The following LNP1 variants were observed in gnomAD, a reference collection of about 807,000 sequenced individuals.
LNP1 encodes leukemia NUP98 fusion partner 1.
Under a neutral mutation model 14.5 loss-of-function variants are expected in LNP1, and 12 were observed. The ratio of observed to expected loss-of-function variants is 0.83; its 90% CI spans 0.53 to 1.34. The LOEUF (loss-of-function observed/expected upper bound fraction) is 1.34, where lower values mean the gene tolerates loss of function less well. Among genes scored for constraint, LNP1 ranks in the 40% most tolerant of loss-of-function variants. The pLI is 0.00. For synonymous variants in LNP1, 75 were observed against 71.4 expected (o/e 1.05, Z -0.26); for missense variants, 198 against 210.9 (o/e 0.94, Z 0.38).
rs1158079135 is a variant in LNP1, at chr3:100,409,577, C to T, written c.-34+7138C>T. 6.9e-5 allele frequency among the ~76,000 whole-genome samples: 8 copies of T among 115,704 alleles called. No individual in the cohort carries two copies. In the South Asian group the frequency reaches 1.8e-3, roughly 26 times the overall value. 75.9% of individuals were successfully genotyped at this position (115,704 alleles called of 152,430 possible). ...ATACATACACACACACACACACACA[C>T]ACACACACACACACATATATATATA... On this transcript the variant is annotated intron_variant, in intron 1 of 3. Transcript: ENST00000383693.
chr3:100,435,540 A>G (rs948601307), intron 2 of LNP1, among the ~76,000 whole-genome samples: 2 of 152,238 alleles, frequency 1.3e-5, no homozygotes, highest in Non-Finnish European at 2.9e-5. Context: ...CATGCAGTGT[A>G]TACATTTAGA....
At chr3:100,434,781 G>A (rs868810737) in intron 2 of LNP1, among the ~76,000 whole-genome samples, 2 of 150,608 alleles carry the variant, frequency 1.3e-5, no homozygotes, top group Non-Finnish European at 2.9e-5. Flanking sequence ...TGCCCACCTC[G>A]GCCTCCCAAA....
intron 1 of LNP1, among the ~76,000 whole-genome samples, chr3:100,409,559 C>CAT (rs1201490956): frequency 2.9e-4 from 12 of 41,696 alleles, no homozygotes; most frequent in Non-Finnish European, 6.7e-4. Context: ...TATATACATA[C>CAT]ACACACACAC....
At chr3:100,418,629 G>A (rs779260966) in intron 1 of LNP1, among the ~76,000 whole-genome samples, 4 of 152,164 alleles carry the variant, frequency 2.6e-5, no homozygotes, top group Non-Finnish European at 5.9e-5. Flanking sequence ...TTTGTATAGT[G>A]TTTACAAATA....
chr3:100,408,187 G>A (rs1293314261), intron 1 of LNP1, among the ~76,000 whole-genome samples: 1 of 152,170 alleles, frequency 6.6e-6, no homozygotes, highest in East Asian at 1.9e-4. Context: ...CATTCAAGAA[G>A]CAGTTACTTA....
intron 1 of LNP1, among the ~76,000 whole-genome samples, chr3:100,417,371 C>CTTTTTTTTTTTTTTTTTT (rs562000656): frequency 1.2e-4 from 8 of 64,628 alleles, no homozygotes; most frequent in African/African-American, 2.9e-4. Context: ...TTTCTTTTTT[C>CTTTTTTTTTTTTTTTTTT]TTTTTTTTTT....
intron 1 of LNP1, among the ~76,000 whole-genome samples, chr3:100,420,079 G>T (rs1325575956): frequency 2.0e-5 from 3 of 152,278 alleles, no homozygotes; most frequent in South Asian, 4.1e-4. Flanking sequence ...TGATAGGTAT[G>T]TAGTAATATT....
At chr3:100,413,417 T>G (rs1473060052) in intron 1 of LNP1, among the ~76,000 whole-genome samples, 2 of 152,246 alleles carry the variant, frequency 1.3e-5, no homozygotes, top group African/African-American at 4.8e-5. Flanking sequence ...AAGGAGCATC[T>G]GCATTTATCT....
chr3:100,443,063 T>A (rs953047498), intron 2 of LNP1, among the ~76,000 whole-genome samples: 1 of 152,216 alleles, frequency 6.6e-6, no homozygotes, highest in African/African-American at 2.4e-5. Context: ...GGCTTATGTA[T>A]GTAAATAGGT....
intron 1 of LNP1, among the ~76,000 whole-genome samples, chr3:100,429,152 AACT>A (rs1286411550): frequency 3.3e-5 from 5 of 152,212 alleles, no homozygotes; most frequent in African/African-American, 9.7e-5. Flanking sequence ...CAATTTAAAA[AACT>A]ACTCCTTTTG....
At chr3:100,424,466 T>C (rs781154937) in intron 1 of LNP1, among the ~76,000 whole-genome samples, 9 of 152,286 alleles carry the variant, frequency 5.9e-5, no homozygotes, top group Non-Finnish European at 8.8e-5. Context: ...ACCTAATTCC[T>C]CCAGCAATGC....
intron 2 of LNP1, among the ~76,000 whole-genome samples, chr3:100,450,134 C>A (rs1707424949): frequency 6.8e-6 from 1 of 147,592 alleles, no homozygotes. Context: ...CTTCAGAGGC[C>A]TTGTTCCCCA....
intron 2 of LNP1, among the ~76,000 whole-genome samples, chr3:100,450,773 C>T (rs1707429971): frequency 6.6e-6 from 1 of 152,168 alleles, no homozygotes; most frequent in African/African-American, 2.4e-5. Context: ...AACAACACCT[C>T]ATCTTCCCTG....
At chr3:100,422,994 G>GTA (rs1707159270) in intron 1 of LNP1, among the ~76,000 whole-genome samples, 1 of 151,932 alleles carries the variant, frequency 6.6e-6, no homozygotes, top group African/African-American at 2.4e-5. Context: ...AGACTTCACA[G>GTA]TATAACTTGA....
intron 1 of LNP1, among the ~76,000 whole-genome samples, chr3:100,409,602 A>G (rs200414782): frequency 0.011 from 1,277 of 114,098 alleles, 19 homozygotes; most frequent in African/African-American, 0.038. Flanking sequence ...ATATATATAT[A>G]TATATTTTTT....
intron 2 of LNP1, among the ~76,000 whole-genome samples, chr3:100,447,326 A>C (rs1326797568): frequency 6.6e-6 from 1 of 152,190 alleles, no homozygotes; most frequent in African/African-American, 2.4e-5. Context: ...GGAAATCATC[A>C]TTCTCAGCAA....
intron 2 of LNP1, among the ~76,000 whole-genome samples, chr3:100,435,670 G>T (rs548646393): frequency 2.0e-5 from 3 of 152,218 alleles, no homozygotes; most frequent in Admixed American, 2.0e-4. Flanking sequence ...GGAGGGGTAG[G>T]GGGTAGGAGC....
intron 1 of LNP1, among the ~76,000 whole-genome samples, chr3:100,420,759 CT>C (rs1313499834): frequency 6.6e-6 from 1 of 152,180 alleles, no homozygotes; most frequent in African/African-American, 2.4e-5. Flanking sequence ...TTTTCATCCT[CT>C]TAACAGGGTC....
At chr3:100,443,764 T>C (rs2148906665) in intron 2 of LNP1, among the ~76,000 whole-genome samples, 1 of 152,346 alleles carries the variant, frequency 6.6e-6, no homozygotes. Flanking sequence ...TCTCCAATTG[T>C]GTCCTGTTGT....
Sources: allele counts gnomAD v4.1 joint callset (sites outside exome capture counted in the v4.1 genomes callset), GRCh38; gene constraint gnomAD v4.1.1; transcripts MANE v1.5; gene names NCBI Gene and HGNC (gene_info 2026-07-23, HGNC 2026-07-21).